Variants in JAK1 observed in about 807,000 individuals in gnomAD.
JAK1 encodes Janus kinase 1.
In JAK1, 16 loss-of-function variants were observed where a neutral mutation model predicts 136.6. The observed-to-expected ratio is 0.12, with a 90% CI of 0.08 to 0.18. JAK1 has a LOEUF of 0.18. Ranked by LOEUF, JAK1 falls within the 10% of genes least tolerant of loss-of-function variation. The pLI is 1.00. For missense variants in JAK1, 859 were observed against 1,450.1 expected, an observed-to-expected ratio of 0.59 and a Z score of 6.62; for synonymous variants, 492 against 519.5, an observed-to-expected ratio of 0.95 and a Z score of 0.72.
chr1:64,904,746 T>TACAC (rs56049405), intron 1 of JAK1, among the ~76,000 whole-genome samples: 37 of 151,086 alleles, frequency 2.4e-4, no homozygotes, highest in Non-Finnish European at 3.0e-4. Context: ...CACACATATA[T>TACAC]ACACACACAC....
Position 64,873,153 on chromosome 1 carries a change from C to T in JAK1, c.483+217G>A, listed in dbSNP as rs145940984. The stretch of plus-strand genomic sequence containing the variant: ...GAAAGGAATAGGAAAGAAAGGAAGC[C>T]CCAAAGCCCACAAGCTGGATAACCA... On this transcript the variant is annotated intron_variant, in intron 5 of 24. Transcript: ENST00000342505. Among the ~76,000 whole-genome samples the T allele has an allele frequency of 5.9e-5, 9 of 152,242 alleles. No individual in the cohort carries two copies. The East Asian group carries it at 1.7e-3, about 29-fold the overall frequency.
At chr1:65,020,225 C>CAAA (rs375362876) in intron 2 of JAK1, among the ~76,000 whole-genome samples, 36 of 50,588 alleles carry the variant, frequency 7.1e-4, no homozygotes, top group African/African-American at 8.8e-4. Flanking sequence ...AACTCCGTCT[C>CAAA]AAAAAAAAAA....
intron 1 of JAK1, among the ~76,000 whole-genome samples, chr1:64,890,747 A>T (rs540925299): frequency 6.6e-6 from 1 of 152,230 alleles, no homozygotes; most frequent in East Asian, 1.9e-4. Flanking sequence ...ACAGGACTAA[A>T]GTGGGCTATG....
At chr1:65,008,049 A>G (rs1359907994) in intron 2 of JAK1, among the ~76,000 whole-genome samples, 1 of 151,988 alleles carries the variant, frequency 6.6e-6, no homozygotes, top group African/African-American at 2.4e-5. Flanking sequence ...CTGGCCTCTT[A>G]TTTCTTATTT....
chr1:65,026,762 T>C (rs1040384340), intron 2 of JAK1, among the ~76,000 whole-genome samples: 13 of 151,934 alleles, frequency 8.6e-5, no homozygotes, highest in African/African-American at 3.1e-4. Flanking sequence ...GGCCAGGAGT[T>C]TGAGACCAAC....
At chr1:64,936,863 G>A (rs1645798452) in intron 1 of JAK1, among the ~76,000 whole-genome samples, 1 of 152,074 alleles carries the variant, frequency 6.6e-6, no homozygotes, top group Admixed American at 6.6e-5. Flanking sequence ...GCAGAAAACA[G>A]TAGGTTGTAC....
intron 1 of JAK1, among the ~76,000 whole-genome samples, chr1:64,898,584 T>C (rs1335855577): frequency 1.3e-5 from 2 of 152,244 alleles, no homozygotes; most frequent in Admixed American, 1.3e-4. Context: ...CAGGCATGAC[T>C]GCAGATGACA....
At chr1:64,910,659 C>A (rs1205197019) in intron 1 of JAK1, among the ~76,000 whole-genome samples, 3 of 152,066 alleles carry the variant, frequency 2.0e-5, no homozygotes, top group Non-Finnish European at 4.4e-5. Context: ...CATGGCGAAA[C>A]CTTGTCTCTA....
At chr1:64,901,584 T>C (rs1553026) in intron 1 of JAK1, among the ~76,000 whole-genome samples, 145,149 of 152,298 alleles carry the variant, frequency 0.95, 69,561 homozygotes, top group East Asian at 1. Context: ...AGAAGAATCA[T>C]TGACAAACTG....
rs575474574 is a variant in JAK1, at chr1:64,889,895, C to T, written c.-77-3554G>A. Among the ~76,000 whole-genome samples the T allele has an allele frequency of 2.0e-5, 3 of 152,284 alleles. No homozygotes were observed. In the South Asian group the frequency reaches 6.2e-4, roughly 32 times the overall value. On this transcript the variant is annotated intron_variant, in intron 1 of 24. Coordinates refer to ENST00000342505, the MANE Select transcript of JAK1 (RefSeq NM_002227.4). ...CCAAGGGCCACTGCCAGATTTTTAC[C>T]GTTAAAAACAGACTGGTTGACAGTG...
At chr1:64,851,748 A>G (rs1288179599) in intron 11 of JAK1, among the ~76,000 whole-genome samples, 1 of 152,248 alleles carries the variant, frequency 6.6e-6, no homozygotes, top group Non-Finnish European at 1.5e-5. Context: ...GATTCTGACT[A>G]GCAGGGAAAG....
intron 1 of JAK1, among the ~76,000 whole-genome samples, chr1:64,898,232 T>C (rs1645054009): frequency 6.6e-6 from 1 of 152,208 alleles, no homozygotes; most frequent in African/African-American, 2.4e-5. Flanking sequence ...AGAGTCAACA[T>C]TCTGCTGCTG....
At chr1:64,969,273 C>A (rs1300772643), upstream of JAK1, among the ~76,000 whole-genome samples, 2 of 151,836 alleles carry the variant, frequency 1.3e-5, no homozygotes, top group Non-Finnish European at 2.9e-5. Context: ...TCAACCTCAG[C>A]ACTATTGACA....
In JAK1 at chr1:64,924,638, G is replaced by A. The variant is rs892806677; in HGVS notation, c.-77-38297C>T. 3.9e-5 allele frequency among the ~76,000 whole-genome samples: 6 copies of A among 152,168 alleles called. No homozygotes were observed. In the South Asian group the frequency reaches 1.0e-3, roughly 26 times the overall value. On this transcript the variant is annotated intron_variant, in intron 1 of 24. Transcript: ENST00000342505. ...CTCAGTAAGTCTGAGGAAGTGGGTG[G>A]TAGTTCTTCTAAAATTCCTCTGTTT...
chr1:64,965,200 T>A (rs1338296317), intron 1 of JAK1, among the ~76,000 whole-genome samples: 1 of 152,198 alleles, frequency 6.6e-6, no homozygotes, highest in Non-Finnish European at 1.5e-5. Context: ...CATGTTTTAC[T>A]CCCTGAAAGA....
At chr1:64,987,997 T>C (rs1646615733) in intron 2 of JAK1, among the ~76,000 whole-genome samples, 1 of 152,362 alleles carries the variant, frequency 6.6e-6, no homozygotes, top group African/African-American at 2.4e-5. Flanking sequence ...TATTTATTGA[T>C]TGATCACTTA....
At chr1:65,047,779 G>A (rs370501987) in intron 1 of JAK1, among the ~76,000 whole-genome samples, 1 of 151,878 alleles carries the variant, frequency 6.6e-6, no homozygotes, top group East Asian at 1.9e-4. Context: ...GTCAGGCAGC[G>A]TTAAACACAG....
intron 2 of JAK1, among the ~76,000 whole-genome samples, chr1:64,999,778 C>T (rs1354570981): frequency 6.6e-6 from 1 of 151,704 alleles, no homozygotes; most frequent in Non-Finnish European, 1.5e-5. Flanking sequence ...TCAGGATCCT[C>T]CCCAAACTGG....
At chr1:64,955,884 A>G (rs1212329872) in intron 1 of JAK1, among the ~76,000 whole-genome samples, 1 of 152,188 alleles carries the variant, frequency 6.6e-6, no homozygotes, top group Admixed American at 6.5e-5. Flanking sequence ...GCAAAGGGAG[A>G]GATCAGGGTT....
Sources: allele counts gnomAD v4.1 joint callset (sites outside exome capture counted in the v4.1 genomes callset), GRCh38; gene constraint gnomAD v4.1.1; transcripts MANE v1.5; gene names NCBI Gene and HGNC (gene_info 2026-07-23, HGNC 2026-07-21).